Variants in ERC2 observed in about 807,000 individuals in gnomAD.
ERC2 encodes the protein ELKS/RAB6-interacting/CAST family member 2, also known as ERC protein 2.
Under a neutral mutation model 114.8 loss-of-function variants are expected in ERC2, and 42 were observed. The ratio of observed to expected loss-of-function variants is 0.37; its 90% confidence interval spans 0.29 to 0.47. The LOEUF (loss-of-function observed/expected upper bound fraction) is 0.47. ERC2 is among the 20% of genes least tolerant of loss of function. ERC2 has a pLI of 0.99. For synonymous variants in ERC2, 454 were observed against 425.5 expected, an observed-to-expected ratio of 1.07 and a Z score of -0.82; for missense variants, 939 against 1,150.7, an observed-to-expected ratio of 0.82 and a Z score of 2.66.
chr3:56,258,841 C>T (rs1464713196), intron 3 of ERC2, among the ~76,000 whole-genome samples: 3 of 152,168 alleles, frequency 2.0e-5, no homozygotes, highest in Non-Finnish European at 2.9e-5. Flanking sequence ...CTTTGTACAA[C>T]TTAAACTTTG....
chr3:55,986,037 G>T (rs1383066869), intron 11 of ERC2, 49 bp from the exon 12 acceptor site: 4 of 1,518,286 alleles, frequency 2.6e-6, no homozygotes, highest in Non-Finnish European at 2.7e-6. Context: ...AAGCAGAAAG[G>T]AAAAGGGATA....
At chr3:56,403,821 T>A (rs1411279583) in intron 2 of ERC2, among the ~76,000 whole-genome samples, 1 of 152,204 alleles carries the variant, frequency 6.6e-6, no homozygotes, top group Non-Finnish European at 1.5e-5. Flanking sequence ...ACCCAATTCT[T>A]CACTGTTCTC....
intron 3 of ERC2, among the ~76,000 whole-genome samples, chr3:56,191,760 C>G (rs116028598): frequency 1.3e-5 from 2 of 152,110 alleles, no homozygotes; most frequent in Admixed American, 1.3e-4. Flanking sequence ...TACACTCCCC[C>G]ACCCCAGACA....
intron 12 of ERC2, among the ~76,000 whole-genome samples, chr3:55,964,882 G>A (rs1267140964): frequency 2.6e-5 from 4 of 152,276 alleles, no homozygotes; most frequent in South Asian, 2.1e-4. Flanking sequence ...AGAGACTGGA[G>A]GCTTCTCTCT....
At chr3:56,240,670 AC>A (rs1173338674) in intron 3 of ERC2, among the ~76,000 whole-genome samples, 3 of 152,228 alleles carry the variant, frequency 2.0e-5, no homozygotes, top group Non-Finnish European at 4.4e-5. Context: ...TTTCAGAGAC[AC>A]AAAAATATGC....
intron 15 of ERC2, among the ~76,000 whole-genome samples, chr3:55,701,110 T>C: frequency 6.6e-6 from 1 of 152,106 alleles, no homozygotes; most frequent in East Asian, 1.9e-4. Context: ...CCAGTTGGAG[T>C]TTTATTATGT....
At chr3:56,133,254 A>G (rs2080309513) in intron 6 of ERC2, among the ~76,000 whole-genome samples, 1 of 152,174 alleles carries the variant, frequency 6.6e-6, no homozygotes, top group Non-Finnish European at 1.5e-5. Context: ...CCTGGGCAAC[A>G]TGGCAAAACC....
At chr3:56,014,999 C>A (rs992962838) in intron 8 of ERC2, among the ~76,000 whole-genome samples, 2 of 152,100 alleles carry the variant, frequency 1.3e-5, no homozygotes, top group African/African-American at 4.8e-5. Flanking sequence ...CCTTATCATT[C>A]TTATAATTTA....
chr3:55,907,623 A>C (rs2064537958), intron 13 of ERC2, among the ~76,000 whole-genome samples: 1 of 152,186 alleles, frequency 6.6e-6, no homozygotes, highest in Non-Finnish European at 1.5e-5. Flanking sequence ...GTGATGGGAG[A>C]GATCCATCAG....
chr3:55,551,522 C>CA (rs757559428), intron 17 of ERC2, among the ~76,000 whole-genome samples: 7 of 151,454 alleles, frequency 4.6e-5, no homozygotes, highest in Non-Finnish European at 8.8e-5. Context: ...GATTCCGTCT[C>CA]AAAAAAACAA....
Position 56,149,127 on chromosome 3 carries a change from T to C in ERC2, c.1155A>G (p.Thr385=). 1.2e-6 allele frequency: 2 copies of C among 1,602,382 alleles called. No individual in the cohort carries two copies. The highest frequency in any genetic ancestry group is 1.7e-6 in the Non-Finnish European group (2 of 1,175,414). The change falls in exon 5 of 18, where the codon ACA becomes ACG. Residue 385 remains threonine, a synonymous_variant. Coordinates refer to ENST00000288221, the MANE Select transcript of ERC2 (RefSeq NM_015576.3). ...ALQTVIEMKD[T]KIASLERNIR... ...TGTTTCGTTCCAATGAAGCGATTTT[T>C]GTGTCCTGTTGGTAAAGAAGAAAAG... is the stretch of plus-strand genomic sequence containing the variant.
chr3:55,635,866 T>A (rs1193948638), intron 17 of ERC2, among the ~76,000 whole-genome samples: 3 of 151,716 alleles, frequency 2.0e-5, no homozygotes, highest in South Asian at 4.2e-4. Flanking sequence ...ATTTTTATTT[T>A]ATTTTATTTT....
chr3:55,729,912 T>C (rs1282125987), intron 15 of ERC2, among the ~76,000 whole-genome samples: 2 of 149,416 alleles, frequency 1.3e-5, no homozygotes, highest in African/African-American at 4.9e-5. Context: ...TGGTCACTGA[T>C]GTATTCCATG....
intron 4 of ERC2, among the ~76,000 whole-genome samples, chr3:56,170,398 G>T (rs1227894925): frequency 6.6e-6 from 1 of 152,138 alleles, no homozygotes; most frequent in Non-Finnish European, 1.5e-5. Flanking sequence ...GAACCAGACT[G>T]TGGATCTAAA....
chr3:55,986,134 G>T, intron 11 of ERC2, 146 bp from the exon 12 acceptor site: 1 of 715,754 alleles, frequency 1.4e-6, no homozygotes, highest in Non-Finnish European at 2.3e-6. Flanking sequence ...ACTAAACGAA[G>T]CAAACTTTTA....
chr3:55,863,349 G>C (rs2062110363), intron 14 of ERC2, among the ~76,000 whole-genome samples: 1 of 151,832 alleles, frequency 6.6e-6, no homozygotes, highest in South Asian at 2.1e-4. Context: ...AGCGATGACA[G>C]GAAAAACACA....
intron 13 of ERC2, among the ~76,000 whole-genome samples, chr3:55,909,712 C>T (rs1224719334): frequency 2.0e-5 from 3 of 152,118 alleles, no homozygotes; most frequent in African/African-American, 7.2e-5. Flanking sequence ...CAGGCCTTCC[C>T]TCAATCACTC....
chr3:55,615,604 G>A (rs1353036901), intron 17 of ERC2, among the ~76,000 whole-genome samples: 1 of 151,970 alleles, frequency 6.6e-6, no homozygotes, highest in Non-Finnish European at 1.5e-5. Flanking sequence ...ATAAAGTAAG[G>A]TTTAATATTT....
chr3:55,597,862 G>A (rs2058222238), intron 17 of ERC2, among the ~76,000 whole-genome samples: 1 of 152,162 alleles, frequency 6.6e-6, no homozygotes, highest in Admixed American at 6.5e-5. Flanking sequence ...GATTACTTGT[G>A]TTACAATCTC....
Sources: gnomAD v4.1 joint callset for allele counts (sites outside exome capture counted in the v4.1 genomes callset) on GRCh38, gnomAD v4.1.1 for gene constraint, MANE v1.5 for transcripts, NCBI Gene and HGNC (gene_info 2026-07-23, HGNC 2026-07-21) for gene names.